The following BLCAP variants were observed in gnomAD, a reference collection of about 807,000 sequenced individuals.
BLCAP encodes the protein BLCAP apoptosis inducing factor.
In BLCAP, 1 loss-of-function variant was observed where a neutral mutation model predicts 5.7. The ratio of observed to expected loss-of-function variants is 0.18; its 90% confidence interval spans 0.06 to 0.83. The LOEUF is 0.83. Ranked by LOEUF, BLCAP falls within the 40% of genes least tolerant of loss-of-function variation. The probability of loss-of-function intolerance (pLI) is 0.71; values close to 1 mark genes in which losing one functional copy is unlikely to be tolerated. For missense variants in BLCAP, 66 were observed against 107.6 expected (o/e 0.61, Z 1.71); for synonymous variants, 48 against 49.4 (o/e 0.97, Z 0.11).
rs1418167705 is a variant in BLCAP, at chr20:37,521,665, C to T, written c.-176-2315G>A. ...GGCGGGCGACCGCTGCGGACGATCA[C>T]CCAGGCATTTAGCGACCTACGCGGT... On this transcript the variant is annotated intron_variant, in intron 1 of 1. Transcript: ENST00000373537. This position sits in a 1 kb window ranked among gnomAD's most constrained non-coding sequence, Gnocchi z 4.5. 7 of 492,170 alleles carry T rather than the reference C, an allele frequency of 1.4e-5. No individual in the cohort carries two copies. The highest frequency in any genetic ancestry group is 2.3e-5 in the South Asian group (1 of 43,964). 30.5% of individuals were successfully genotyped at this position (492,170 alleles called of 1,614,324 possible). A position where few individuals can be genotyped will look rare whatever the true frequency, so the allele number is the denominator to read the frequency against.
chr20:37,520,493 A>G, intron 1 of BLCAP: 1 of 152,304 alleles, frequency 6.6e-6, no homozygotes, highest in Middle Eastern at 3.1e-3. Flanking sequence ...GTCCAGCAGA[A>G]AACTATCCCC....
Position 37,521,661 on chromosome 20 carries a change from A to G in BLCAP, c.-176-2311T>C. On this transcript the variant is annotated intron_variant, in intron 1 of 1. Transcript: ENST00000373537. The surrounding 1 kb of genome is among the most constrained non-coding windows in gnomAD (Gnocchi z 4.5). ...GCGCGGCGGGCGACCGCTGCGGACG[A>G]TCACCCAGGCATTTAGCGACCTACG... 2.0e-6 allele frequency: 1 copy of G among 502,338 alleles called. No homozygotes were observed. Among genetic ancestry groups the G allele is most frequent in the African/African-American group, 2.0e-5 (1 of 50,724 alleles). 31.1% of individuals were successfully genotyped at this position (502,338 alleles called of 1,614,324 possible). A position where few individuals can be genotyped will look rare whatever the true frequency, so the allele number is the denominator to read the frequency against.
At chr20:37,522,584 TG>T in intron 1 of BLCAP, 1 of 629,022 alleles carries the variant, frequency 1.6e-6, no homozygotes, top group Non-Finnish European at 2.1e-6. Context: ...GGGCAGGGGG[TG>T]GGGCGGGGGT....
At position 37,521,783 on chromosome 20, in the gene BLCAP, C is replaced by T. The variant is rs972100100; in HGVS notation, c.-176-2433G>A. 67 of 180,814 alleles carry T rather than the reference C, an allele frequency of 3.7e-4. No individual in the cohort carries two copies. The highest frequency in any genetic ancestry group is 5.7e-4 in the Non-Finnish European group (50 of 87,574). The allele number at this position is 180,814 out of a possible 1,614,324, so 11.2% of individuals were successfully genotyped here. A position where few individuals can be genotyped will look rare whatever the true frequency, so the allele number is the denominator to read the frequency against. On this transcript the variant is annotated intron_variant, in intron 1 of 1. Coordinates refer to ENST00000373537, the MANE Select transcript of BLCAP (RefSeq NM_006698.4). This position sits in a 1 kb window ranked among gnomAD's most constrained non-coding sequence, Gnocchi z 4.5. ...TTACAGCTCGCAGAGTGAAAATTTT[C>T]CACCTTAAAAAATTGCGCATTGCGG...
chr20:37,521,525 T>A lies in BLCAP; in HGVS notation c.-176-2175A>T. 1 of 1,000,202 alleles carries A rather than the reference T, an allele frequency of 1.0e-6. No homozygotes were observed. The highest frequency in any genetic ancestry group is 1.5e-6 in the Non-Finnish European group (1 of 649,402). The allele number at this position is 1,000,202 out of a possible 1,614,324, so 62.0% of individuals were successfully genotyped here. A position where few individuals can be genotyped will look rare whatever the true frequency, so the allele number is the denominator to read the frequency against. Reference sequence around the variant, plus strand: ...TATTCCGATTGCCGCGATCCTTGCCTGCCCAAGTGCCGCTGCCGGCACCGC... The same window carrying A: ...TATTCCGATTGCCGCGATCCTTGCCAGCCCAAGTGCCGCTGCCGGCACCGC... On this transcript the variant is annotated intron_variant, in intron 1 of 1. Transcript: ENST00000373537. The surrounding 1 kb of genome is among the most constrained non-coding windows in gnomAD (Gnocchi z 4.5).
At chr20:37,526,889 T>C (rs1401667477) in intron 1 of BLCAP, 1 of 152,230 alleles carries the variant, frequency 6.6e-6, no homozygotes, top group Non-Finnish European at 1.5e-5. Context: ...GCTTTGGTGT[T>C]GCCGTCCAGA....
Position 37,519,185 on chromosome 20 carries a change from G to T in BLCAP, c.-11C>A, listed in dbSNP as rs755134584. ...CTGGAGGCAATACATGATCTCTGCC[G>T]GGCAGGGCCTTCACCAAGGCTGCCG... On this transcript the variant is annotated 5_prime_UTR_variant, in exon 2 of 2. Transcript: ENST00000373537. 1 of 1,568,382 alleles carries T rather than the reference G, an allele frequency of 6.4e-7. No individual in the cohort carries two copies. The highest frequency in any genetic ancestry group is 2.4e-5 in the East Asian group (1 of 42,462).
chr20:37,527,054 T>C (rs2071734562), intron 1 of BLCAP: 1 of 152,004 alleles, frequency 6.6e-6, no homozygotes, highest in Non-Finnish European at 1.5e-5. Flanking sequence ...GGCGATGAAA[T>C]GGGACACGGA....
In BLCAP at chr20:37,519,722, T is replaced by C. The variant is rs74831823; in HGVS notation, c.-176-372A>G. Among the ~76,000 whole-genome samples the C allele has an allele frequency of 7.2e-5, 11 of 152,182 alleles. No individual in the cohort carries two copies. The East Asian group carries it at 2.1e-3, about 29-fold the overall frequency. On this transcript the variant is annotated intron_variant, in intron 1 of 1. Coordinates refer to ENST00000373537, the MANE Select transcript of BLCAP (RefSeq NM_006698.4). Reference sequence around the variant, plus strand: ...AGCCCGTCCTCAAGGGGCCCAGACCTCACAATACCGCCCAGTGGTTGCCAA... The same window carrying C: ...AGCCCGTCCTCAAGGGGCCCAGACCCCACAATACCGCCCAGTGGTTGCCAA...
chr20:37,524,700 C>G (rs527928364), intron 1 of BLCAP: 1 of 152,490 alleles, frequency 6.6e-6, no homozygotes, highest in African/African-American at 2.4e-5. Context: ...CCCCTTAAGC[C>G]TGATCATGTT....
chr20:37,517,551 G>A lies in BLCAP; in HGVS notation c.*1360C>T, dbSNP rs1021912759. 2.0e-5 allele frequency: 3 copies of A among 152,502 alleles called. No homozygotes were observed. The highest frequency in any genetic ancestry group is 7.2e-5 in the African/African-American group (3 of 41,428). The allele number at this position is 152,502 out of a possible 1,614,324, so 9.4% of individuals were successfully genotyped here. A position where few individuals can be genotyped will look rare whatever the true frequency, so the allele number is the denominator to read the frequency against. ...CCATTCCCTAGATGGACTGCCTCCAGTTCTGTTCTCTGCCTGGCCCATCTC... is the reference window on the plus strand; with the variant it reads ...CCATTCCCTAGATGGACTGCCTCCAATTCTGTTCTCTGCCTGGCCCATCTC... On this transcript the variant is annotated 3_prime_UTR_variant, in exon 2 of 2. Transcript: ENST00000373537.
chr20:37,523,465 C>T (rs1180135233), intron 1 of BLCAP: 1 of 152,744 alleles, frequency 6.5e-6, no homozygotes, highest in Non-Finnish European at 1.5e-5. Flanking sequence ...TCTGAACCCC[C>T]CTTGCCCCTC....
At position 37,521,627 on chromosome 20, in the gene BLCAP, A is replaced by C. The variant is rs893671765; in HGVS notation, c.-176-2277T>G. 6 of 552,620 alleles carry C rather than the reference A, an allele frequency of 1.1e-5. No individual in the cohort carries two copies. Among genetic ancestry groups the C allele is most frequent in the African/African-American group, 9.6e-5 (5 of 51,972 alleles). 34.2% of individuals were successfully genotyped at this position (552,620 alleles called of 1,614,324 possible). A position where few individuals can be genotyped will look rare whatever the true frequency, so the allele number is the denominator to read the frequency against. ...TGCGCCCGCGCCTGCCAGGGAACAA[A>C]GACTCGGGGCGCGGCGGGCGACCGC... On this transcript the variant is annotated intron_variant, in intron 1 of 1. Coordinates refer to ENST00000373537, the MANE Select transcript of BLCAP (RefSeq NM_006698.4). The surrounding 1 kb of genome is among the most constrained non-coding windows in gnomAD (Gnocchi z 4.5).
In BLCAP at chr20:37,518,901, G is replaced by A. The variant is rs756036540; in HGVS notation, c.*10C>T. The A allele has an allele frequency of 5.0e-6, 8 of 1,613,694 alleles. No individual in the cohort carries two copies. The highest frequency in any genetic ancestry group is 1.1e-5 in the South Asian group (1 of 91,058). On this transcript the variant is annotated 3_prime_UTR_variant, in exon 2 of 2. Coordinates refer to ENST00000373537, the MANE Select transcript of BLCAP (RefSeq NM_006698.4). Reference sequence around the variant, plus strand: ...CTTCTGCTTCCTTGGAAAGCTAACAGGGCAGGCCGTTAGGTGCCCACAACG... The same window carrying A: ...CTTCTGCTTCCTTGGAAAGCTAACAAGGCAGGCCGTTAGGTGCCCACAACG...
At chr20:37,522,582 G>A in intron 1 of BLCAP, 1 of 1,410,366 alleles carries the variant, frequency 7.1e-7, no homozygotes, top group South Asian at 1.3e-5. Context: ...CGGGGCAGGG[G>A]GTGGGGCGGG....
chr20:37,524,906 C>G (rs6095094), intron 1 of BLCAP, among the ~76,000 whole-genome samples: 4,402 of 152,272 alleles, frequency 0.029, 222 homozygotes, highest in African/African-American at 0.1. Flanking sequence ...GTTTCCCTCT[C>G]GAAGAGGGCC....
chr20:37,522,446 T>G lies in BLCAP; in HGVS notation c.-176-3096A>C, dbSNP rs767184203. On this transcript the variant is annotated intron_variant, in intron 1 of 1. Transcript: ENST00000373537. ...CCCATTGCGAGAAGTGAGGTATACC[T>G]AAGTTGTGGGTCCAATCAGCTTGCC... The G allele has an allele frequency of 1.1e-5, 18 of 1,612,258 alleles. No individual in the cohort carries two copies. The East Asian group carries it at 4.0e-4, about 36-fold the overall frequency.
rs936370472 is a variant in BLCAP, at chr20:37,521,052, G to A, written c.-176-1702C>T. Among the ~76,000 whole-genome samples, 2 of 152,214 alleles carry A rather than the reference G, an allele frequency of 1.3e-5. No individual in the cohort carries two copies. The highest frequency in any genetic ancestry group is 1.3e-4 in the Admixed American group (2 of 15,280). On this transcript the variant is annotated intron_variant, in intron 1 of 1. Transcript: ENST00000373537. The surrounding 1 kb of genome is among the most constrained non-coding windows in gnomAD (Gnocchi z 4.5). The stretch of plus-strand genomic sequence containing the variant: ...AAAGCAAAATCCAAAAGCAAGCACG[G>A]CGGAATCTTCTGGAAGGGGGCTAAG...
chr20:37,523,450 C>T (rs950632740), intron 1 of BLCAP: 1 of 152,604 alleles, frequency 6.6e-6, no homozygotes, highest in Non-Finnish European at 1.5e-5. Context: ...TACTAAAACA[C>T]TTTCTCTGAA....
Sources: gnomAD v4.1 joint callset for allele counts (sites outside exome capture counted in the v4.1 genomes callset) on GRCh38, gnomAD v4.1.1 for gene constraint, Gnocchi (gnomAD v3.1) non-coding constraint, MANE v1.5 for transcripts, NCBI Gene and HGNC (gene_info 2026-07-23, HGNC 2026-07-21) for gene names.